NRG3: variants seen among roughly 807,000 people sequenced by gnomAD.
NRG3 encodes neuregulin 3.
Under a neutral mutation model 66.9 loss-of-function variants are expected in NRG3, and 31 were observed. The ratio of observed to expected loss-of-function variants is 0.46; its 90% CI spans 0.35 to 0.63. NRG3 has a LOEUF of 0.63. NRG3 is among the 20% of genes least tolerant of loss of function. NRG3 has a pLI of 0.00. For synonymous variants in NRG3, 393 were observed against 359.4 expected (o/e 1.09, Z -1.06); for missense variants, 910 against 878.9 (o/e 1.04, Z -0.45).
At chr10:82,136,328 G>T (rs1400343120) in intron 1 of NRG3, among the ~76,000 whole-genome samples, 1 of 152,108 alleles carries the variant, frequency 6.6e-6, no homozygotes, top group Non-Finnish European at 1.5e-5. Flanking sequence ...AGCAACCATT[G>T]CCTGGCTCCC....
chr10:82,119,323 C>G (rs1674188151), intron 1 of NRG3, among the ~76,000 whole-genome samples: 1 of 152,148 alleles, frequency 6.6e-6, no homozygotes, highest in African/African-American at 2.4e-5. Context: ...AAATTTGTCT[C>G]TCTCTTTCTT....
chr10:81,928,961 A>T (rs2132961038), intron 1 of NRG3, among the ~76,000 whole-genome samples: 1 of 152,226 alleles, frequency 6.6e-6, no homozygotes, highest in Admixed American at 6.5e-5. Context: ...AGCTGGGGCC[A>T]CAGTCACACA....
chr10:81,940,623 A>G (rs1015764157), intron 1 of NRG3, among the ~76,000 whole-genome samples: 3 of 151,952 alleles, frequency 2.0e-5, no homozygotes, highest in African/African-American at 7.3e-5. Context: ...GGCCTACATG[A>G]GTTGTCTTTT....
chr10:82,314,727 G>A (rs1336730874), intron 1 of NRG3, among the ~76,000 whole-genome samples: 4 of 152,136 alleles, frequency 2.6e-5, no homozygotes, highest in South Asian at 2.1e-4. Context: ...GGAGAATGGC[G>A]TGAACTGGGG....
chr10:82,747,352 G>T, intron 3 of NRG3, among the ~76,000 whole-genome samples: 1 of 152,060 alleles, frequency 6.6e-6, no homozygotes, highest in Non-Finnish European at 1.5e-5. Context: ...ACCATTATGC[G>T]TAAGTCTCTG....
intron 3 of NRG3, 25 bp downstream of exon 3, chr10:82,738,675 C>T (rs374506590): frequency 6.3e-7 from 1 of 1,587,470 alleles, no homozygotes; most frequent in South Asian, 1.1e-5. Context: ...TTTCTTCTCT[C>T]TAATGCAATA....
intron 1 of NRG3, among the ~76,000 whole-genome samples, chr10:82,130,205 G>A (rs1009452920): frequency 6.6e-6 from 1 of 151,078 alleles, no homozygotes; most frequent in Admixed American, 6.6e-5. Context: ...CTATATGTAT[G>A]TATCACTTTT....
intron 1 of NRG3, among the ~76,000 whole-genome samples, chr10:82,352,548 G>T (rs2083499259): frequency 6.6e-6 from 1 of 152,194 alleles, no homozygotes; most frequent in Admixed American, 6.5e-5. Flanking sequence ...CAACACTATA[G>T]AGAGTTTTGT....
intron 1 of NRG3, among the ~76,000 whole-genome samples, chr10:82,339,385 C>T (rs528561475): frequency 3.9e-5 from 6 of 152,170 alleles, no homozygotes; most frequent in South Asian, 4.1e-4. Flanking sequence ...ACAATCACGG[C>T]GGAAGGCACC....
intron 1 of NRG3, among the ~76,000 whole-genome samples, chr10:82,320,979 C>T (rs183620207): frequency 5.3e-5 from 8 of 152,300 alleles, no homozygotes; most frequent in Admixed American, 5.2e-4. Flanking sequence ...GCAATAAAAT[C>T]CCCCGCATTT....
intron 2 of NRG3, among the ~76,000 whole-genome samples, chr10:82,730,821 G>A (rs1275751576): frequency 3.9e-5 from 6 of 152,162 alleles, no homozygotes; most frequent in Middle Eastern, 6.8e-3. Flanking sequence ...AAAGGAATGC[G>A]TTCTCCCACC....
At chr10:82,055,871 T>C (rs1216983581) in intron 1 of NRG3, among the ~76,000 whole-genome samples, 2 of 152,196 alleles carry the variant, frequency 1.3e-5, no homozygotes, top group East Asian at 3.9e-4. Flanking sequence ...GATTAAGGAG[T>C]GAAATGCATG....
intron 2 of NRG3, among the ~76,000 whole-genome samples, chr10:82,646,838 C>G (rs1316997534): frequency 6.6e-6 from 1 of 152,016 alleles, no homozygotes; most frequent in Non-Finnish European, 1.5e-5. Flanking sequence ...CAAATTTCTC[C>G]TATCTTTCTG....
intron 1 of NRG3, among the ~76,000 whole-genome samples, chr10:82,110,240 C>A (rs559387465): frequency 2.0e-5 from 3 of 152,052 alleles, no homozygotes; most frequent in African/African-American, 7.2e-5. Flanking sequence ...AAGGGAAAAT[C>A]AAATAAAAAA....
At chr10:82,049,859 A>T (rs979605852) in intron 1 of NRG3, among the ~76,000 whole-genome samples, 15 of 152,082 alleles carry the variant, frequency 9.9e-5, no homozygotes, top group East Asian at 5.8e-4. Context: ...AACCCATAAA[A>T]TCCATAAAAT....
At chr10:82,012,328 G>A (rs558581989) in intron 1 of NRG3, among the ~76,000 whole-genome samples, 1 of 151,982 alleles carries the variant, frequency 6.6e-6, no homozygotes, top group South Asian at 2.1e-4. Context: ...AAGAGCAGGG[G>A]GACCCTGGTC....
chr10:82,353,046 G>C (rs917677702), intron 1 of NRG3, among the ~76,000 whole-genome samples: 10 of 152,184 alleles, frequency 6.6e-5, no homozygotes, highest in Non-Finnish European at 1.0e-4. Context: ...TTAGAATCAA[G>C]AGTATTTGGT....
chr10:82,242,409 G>A (rs1030289759), intron 1 of NRG3, among the ~76,000 whole-genome samples: 10 of 152,144 alleles, frequency 6.6e-5, no homozygotes, highest in Non-Finnish European at 1.3e-4. Flanking sequence ...TAGGGACAAA[G>A]AACATTTCTG....
chr10:82,683,551 T>C (rs535575900), intron 2 of NRG3, among the ~76,000 whole-genome samples: 2 of 152,332 alleles, frequency 1.3e-5, no homozygotes, highest in Non-Finnish European at 2.9e-5. Flanking sequence ...GCAAAGTAAA[T>C]TGGTGTCTTT....
Sources: gnomAD v4.1 joint callset for allele counts (sites outside exome capture counted in the v4.1 genomes callset) on GRCh38, gnomAD v4.1.1 for gene constraint, MANE v1.5 for transcripts, NCBI Gene and HGNC (gene_info 2026-07-23, HGNC 2026-07-21) for gene names.